The following ZNF664 variants were observed in gnomAD, a reference collection of about 807,000 sequenced individuals.
ZNF664 encodes zinc finger Organ of Corti 1.
A neutral mutation model predicts 18.2 loss-of-function variants in ZNF664; 10 were observed. The ratio of observed to expected loss-of-function variants is 0.55; its 90% CI spans 0.34 to 0.93. The LOEUF (loss-of-function observed/expected upper bound fraction) is 0.93, where lower values mean the gene tolerates loss of function less well. ZNF664 is among the 40% of genes least tolerant of loss of function. The pLI is 0.02. For missense variants in ZNF664, 193 were observed against 319.0 expected (o/e 0.61, Z 3.01); for synonymous variants, 119 against 104.2 (o/e 1.14, Z -0.86).
Position 123,974,017 on chromosome 12 carries a change from C to T in ZNF664, c.-760C>T, listed in dbSNP as rs1956643249. On this transcript the variant is annotated 5_prime_UTR_variant, in exon 2 of 5. Transcript: ENST00000337815. ...ACCACAACAAGGGCCGGATTCTCAC[C>T]CAGGTAAACCGGCTGCCGGCGCTGT... 2 of 1,231,800 alleles carry T rather than the reference C, an allele frequency of 1.6e-6. No individual in the cohort carries two copies. The highest frequency in any genetic ancestry group is 1.6e-5 in the African/African-American group (1 of 64,440). The allele number at this position is 1,231,800 out of a possible 1,614,324, so 76.3% of individuals were successfully genotyped here. A position where few individuals can be genotyped will look rare whatever the true frequency, so the allele number is the denominator to read the frequency against.
At chr12:124,007,004 C>T (rs1411583782) in intron 3 of ZNF664, among the ~76,000 whole-genome samples, 1 of 152,182 alleles carries the variant, frequency 6.6e-6, no homozygotes, top group East Asian at 1.9e-4. Context: ...GGATTTACAG[C>T]TGCCTCTATC....
rs367889400 is a variant in ZNF664, at chr12:123,978,501, C to G, written c.-757+4481C>G. 7.2e-4 allele frequency among the ~76,000 whole-genome samples: 110 copies of G among 152,204 alleles called. 1 individual carries two copies. Among genetic ancestry groups the G allele is most frequent in the African/African-American group, 2.6e-3 (109 of 41,532 alleles). The stretch of plus-strand genomic sequence containing the variant: ...TATGAAGAGAAGTAAAAACTTTTAC[C>G]TAAATGATTTAAAAGCTAACCTAAA... On this transcript the variant is annotated intron_variant, in intron 2 of 4. Transcript: ENST00000337815.
chr12:123,991,387 A>G (rs994499479), intron 3 of ZNF664, among the ~76,000 whole-genome samples: 4 of 152,356 alleles, frequency 2.6e-5, no homozygotes, highest in African/African-American at 2.4e-5. Context: ...GGAGCAGCAG[A>G]CACATAGGTA....
intron 2 of ZNF664, among the ~76,000 whole-genome samples, chr12:123,982,629 G>A (rs1000741109): frequency 3.3e-5 from 5 of 152,128 alleles, no homozygotes; most frequent in African/African-American, 9.7e-5. Context: ...TGGGTTCCAC[G>A]CTCACCGTAT....
intron 3 of ZNF664, among the ~76,000 whole-genome samples, chr12:124,008,017 T>G (rs973865664): frequency 6.6e-6 from 1 of 152,212 alleles, no homozygotes; most frequent in Non-Finnish European, 1.5e-5. Context: ...CACATTTCCT[T>G]GACTGTCCTC....
intron 3 of ZNF664, among the ~76,000 whole-genome samples, chr12:124,005,473 A>G (rs1172778037): frequency 2.9e-5 from 4 of 136,358 alleles, no homozygotes; most frequent in African/African-American, 1.1e-4. Context: ...ACTGGATGAT[A>G]ATTTATAGAA....
intron 3 of ZNF664, among the ~76,000 whole-genome samples, chr12:124,006,907 G>A (rs1171021237): frequency 6.6e-6 from 1 of 152,126 alleles, no homozygotes; most frequent in Non-Finnish European, 1.5e-5. Context: ...GACATAAGGG[G>A]GAGTCTGGAG....
intron 3 of ZNF664, among the ~76,000 whole-genome samples, chr12:124,008,025 C>T (rs1042764132): frequency 3.9e-5 from 6 of 152,138 alleles, no homozygotes; most frequent in South Asian, 2.1e-4. Flanking sequence ...CTTGACTGTC[C>T]TCTTTTAGCA....
chr12:124,001,644 T>G (rs1957013885), intron 3 of ZNF664, among the ~76,000 whole-genome samples: 1 of 152,210 alleles, frequency 6.6e-6, no homozygotes, highest in African/African-American at 2.4e-5. Context: ...TCAGCCTCAC[T>G]TCCAGCCCAG....
chr12:123,976,752 T>C (rs1956697357), intron 2 of ZNF664, among the ~76,000 whole-genome samples: 1 of 151,880 alleles, frequency 6.6e-6, no homozygotes, highest in South Asian at 2.1e-4. Flanking sequence ...GACCTCACGT[T>C]ACCAGCTACA....
chr12:123,994,195 T>TTGCATACTTTCAGTCTTCAAAAAAAGTGG, intron 3 of ZNF664, among the ~76,000 whole-genome samples: 1 of 152,292 alleles, frequency 6.6e-6, no homozygotes, highest in Non-Finnish European at 1.5e-5. Flanking sequence ...TACAGTTTGT[T>TTGCATACTTTCAGTCTTCAAAAAAAGTGG]TGCATACTTT....
At chr12:124,000,731 T>A (rs1261173307) in intron 3 of ZNF664, among the ~76,000 whole-genome samples, 1 of 152,204 alleles carries the variant, frequency 6.6e-6, no homozygotes, top group African/African-American at 2.4e-5. Flanking sequence ...TTTTCAACTT[T>A]ATGTAAGTGG....
chr12:123,989,643 T>C (rs572383529), intron 3 of ZNF664, among the ~76,000 whole-genome samples: 1 of 152,228 alleles, frequency 6.6e-6, no homozygotes, highest in Non-Finnish European at 1.5e-5. Context: ...AGTTCAGTCC[T>C]GTGTACATGT....
intron 3 of ZNF664, among the ~76,000 whole-genome samples, chr12:124,004,193 G>A (rs1957044689): frequency 6.6e-6 from 1 of 152,202 alleles, no homozygotes; most frequent in Admixed American, 6.5e-5. Context: ...TAGAGCTAGA[G>A]TGTGGCCATG....
chr12:124,011,858 A>G lies in ZNF664; in HGVS notation c.-287A>G, dbSNP rs1421845992. ...GAGCCCCTTGGAATGTTGACAACTC[A>G]GGATCTAAAACAAAGTTCTGTGTTA... is the stretch of plus-strand genomic sequence containing the variant. On this transcript the variant is annotated 5_prime_UTR_variant, in exon 5 of 5. Transcript: ENST00000337815. 6 of 1,214,522 alleles carry G rather than the reference A, an allele frequency of 4.9e-6. No individual in the cohort carries two copies. The highest frequency in any genetic ancestry group is 1.6e-5 in the African/African-American group (1 of 63,334). 75.2% of individuals were successfully genotyped at this position (1,214,522 alleles called of 1,614,324 possible).
At chr12:124,004,009 G>A (rs780206381) in intron 3 of ZNF664, among the ~76,000 whole-genome samples, 2 of 152,228 alleles carry the variant, frequency 1.3e-5, no homozygotes, top group Non-Finnish European at 1.5e-5. Flanking sequence ...GAGTTCTGGT[G>A]AGCGCAGAGA....
intron 2 of ZNF664, among the ~76,000 whole-genome samples, chr12:123,975,499 A>G (rs966604514): frequency 1.3e-5 from 2 of 150,426 alleles, no homozygotes; most frequent in African/African-American, 4.9e-5. Flanking sequence ...ATTCTAGTTC[A>G]CTGCAGCCTG....
At chr12:124,004,588 C>G (rs567675018) in intron 3 of ZNF664, among the ~76,000 whole-genome samples, 1 of 152,148 alleles carries the variant, frequency 6.6e-6, no homozygotes, top group African/African-American at 2.4e-5. Flanking sequence ...CCAGGGGTCC[C>G]CAACCTGTGG....
Position 124,011,803 on chromosome 12 carries a change from G to A in ZNF664, c.-342G>A. ...TACTCTACAAGAGGAAGATTCCAGG[G>A]GCTCAAAAACGCAAAGGTTTGCACT... On this transcript the variant is annotated 5_prime_UTR_variant, in exon 5 of 5. Transcript: ENST00000337815. The A allele has an allele frequency of 9.0e-7, 1 of 1,115,386 alleles. No homozygotes were observed. The highest frequency in any genetic ancestry group is 1.1e-6 in the Non-Finnish European group (1 of 917,024). The allele number at this position is 1,115,386 out of a possible 1,614,324, so 69.1% of individuals were successfully genotyped here. A position where few individuals can be genotyped will look rare whatever the true frequency, so the allele number is the denominator to read the frequency against.
Sources: gnomAD v4.1 joint callset for allele counts (sites outside exome capture counted in the v4.1 genomes callset) on GRCh38, gnomAD v4.1.1 for gene constraint, MANE v1.5 for transcripts, NCBI Gene and HGNC (gene_info 2026-07-23, HGNC 2026-07-21) for gene names.